ZP3: variants seen among roughly 807,000 people sequenced by gnomAD.
ZP3 encodes the protein zona pellucida sperm-binding protein 3.
In ZP3, 21 loss-of-function variants were observed where a neutral mutation model predicts 35.6. That is an observed-to-expected ratio of 0.59 (90% CI 0.42 to 0.85). ZP3 has a LOEUF of 0.85. Among genes scored for constraint, ZP3 ranks in the 40% least tolerant of loss-of-function variants. The probability of loss-of-function intolerance (pLI) is 0.00; values close to 1 mark genes in which losing one functional copy is unlikely to be tolerated. For synonymous variants in ZP3, 207 were observed against 214.5 expected, an observed-to-expected ratio of 0.96 and a Z score of 0.31; for missense variants, 437 against 536.5, an observed-to-expected ratio of 0.81 and a Z score of 1.83.
chr7:76,433,943 C>G, intron 4 of ZP3, 95 bp from the exon 5 acceptor site: 1 of 657,114 alleles, frequency 1.5e-6, no homozygotes, highest in Non-Finnish European at 2.7e-6. Context: ...AAGTGATCCA[C>G]CCACCTTGGC....
chr7:76,440,027 A>G (rs1393683695), intron 5 of ZP3: 2 of 536,954 alleles, frequency 3.7e-6, no homozygotes, highest in African/African-American at 3.8e-5. Flanking sequence ...TTGTATTTTT[A>G]GTAGCGATGG....
chr7:76,400,552 C>G (rs746892123), intron 1 of ZP3: 1 of 1,517,598 alleles, frequency 6.6e-7, no homozygotes, highest in South Asian at 1.2e-5. Context: ...GACTTCCAGG[C>G]GGCCCCGGCA....
chr7:76,418,281 G>T (rs1174194729), intron 1 of ZP3, among the ~76,000 whole-genome samples: 1 of 151,900 alleles, frequency 6.6e-6, no homozygotes, highest in East Asian at 1.9e-4. Context: ...AGTCCATAAA[G>T]TCCTTAAGAT....
chr7:76,412,187 C>CAAAA (rs200042424), intron 1 of ZP3, among the ~76,000 whole-genome samples: 936 of 79,562 alleles, frequency 0.012, 16 homozygotes, highest in African/African-American at 0.033. Flanking sequence ...GACTCTGTCT[C>CAAAA]AAAAAAAAAA....
At chr7:76,437,077 G>T (rs1436475715) in intron 5 of ZP3, among the ~76,000 whole-genome samples, 1 of 151,966 alleles carries the variant, frequency 6.6e-6, no homozygotes, top group Non-Finnish European at 1.5e-5. Context: ...CCAGCACCTT[G>T]GGAGGCCGAG....
intron 5 of ZP3, among the ~76,000 whole-genome samples, chr7:76,436,407 T>C (rs1345687657): frequency 6.6e-6 from 1 of 152,154 alleles, no homozygotes; most frequent in African/African-American, 2.4e-5. Context: ...TGGAAATGCA[T>C]CAAAAGCCAC....
At chr7:76,417,286 C>T (rs11771727) in intron 1 of ZP3, among the ~76,000 whole-genome samples, 23,770 of 151,918 alleles carry the variant, frequency 0.16, 2,119 homozygotes, top group Non-Finnish European at 0.22. Context: ...CTTGAACTCC[C>T]AACCTCAGGC....
At chr7:76,399,709 G>A (rs761220485) in intron 1 of ZP3, among the ~76,000 whole-genome samples, 18 of 151,986 alleles carry the variant, frequency 1.2e-4, no homozygotes, top group South Asian at 4.2e-4. Flanking sequence ...CTGATTTTTC[G>A]TAGAGATAAG....
exon 1 of ZP3, chr7:76,397,559 T>C: frequency 6.2e-7 from 1 of 1,603,836 alleles, no homozygotes; most frequent in Non-Finnish European, 8.5e-7. Context: ...GCCGCAGTTG[T>C]GCACACCCCA....
At chr7:76,404,506 C>G (rs886114438) in intron 1 of ZP3, 2 of 1,611,352 alleles carry the variant, frequency 1.2e-6, no homozygotes, top group Admixed American at 3.3e-5. Context: ...GTTGGAACAT[C>G]TGAAATTAAA....
upstream of ZP3, among the ~76,000 whole-genome samples, chr7:76,423,176 A>AGGGAGAGAGAGGGAAAGAGAGAGG (rs1805567488): frequency 2.0e-5 from 3 of 151,032 alleles, no homozygotes; most frequent in Admixed American, 6.6e-5. Flanking sequence ...TGAGAGAGAG[A>AGGGAGAGAGAGGGAAAGAGAGAGG]GGGAGAGAGA....
chr7:76,403,721 G>A (rs2115797438), intron 1 of ZP3, among the ~76,000 whole-genome samples: 1 of 151,736 alleles, frequency 6.6e-6, no homozygotes, highest in East Asian at 1.9e-4. Context: ...GAGTGCAGTG[G>A]CGTGATCTTG....
chr7:76,416,794 G>GTC (rs35844856), intron 1 of ZP3, among the ~76,000 whole-genome samples: 1,984 of 136,018 alleles, frequency 0.015, 28 homozygotes, highest in Middle Eastern at 0.096. Context: ...GCAGGATGCT[G>GTC]TCTCTCTCTC....
At chr7:76,425,378 C>T in intron 1 of ZP3, 102 bp downstream of exon 1, 4 of 1,293,572 alleles carry the variant, frequency 3.1e-6, no homozygotes, top group Middle Eastern at 2.2e-4. Context: ...TGGGTGGATC[C>T]CTCTCACTTG....
intron 1 of ZP3, among the ~76,000 whole-genome samples, chr7:76,428,397 G>A (rs1295990908): frequency 2.0e-5 from 3 of 152,154 alleles, no homozygotes; most frequent in Non-Finnish European, 4.4e-5. Context: ...ACCTGGAAAG[G>A]TTGTAAAAAT....
At chr7:76,437,769 G>T (rs1446241676) in intron 5 of ZP3, among the ~76,000 whole-genome samples, 6 of 151,664 alleles carry the variant, frequency 4.0e-5, no homozygotes, top group Admixed American at 1.3e-4. Flanking sequence ...AAAGTGCTGG[G>T]ATTACAGGCA....
upstream of ZP3, among the ~76,000 whole-genome samples, chr7:76,421,438 G>C (rs2115868139): frequency 6.6e-6 from 1 of 151,968 alleles, no homozygotes; most frequent in Middle Eastern, 3.4e-3. Context: ...TGATTTTGTA[G>C]AGATGGGGCC....
chr7:76,399,254 A>G (rs185504328), intron 1 of ZP3, among the ~76,000 whole-genome samples: 3 of 151,988 alleles, frequency 2.0e-5, no homozygotes, highest in African/African-American at 7.2e-5. Context: ...CTCAGGTGAT[A>G]CACCTGCCTC....
intron 1 of ZP3, among the ~76,000 whole-genome samples, chr7:76,416,125 C>T (rs574526595): frequency 2.1e-4 from 31 of 149,844 alleles, no homozygotes; most frequent in Non-Finnish European, 3.6e-4. Context: ...AGCAAAACTC[C>T]GTCTCAAAAA....
Sources: allele counts gnomAD v4.1 joint callset (sites outside exome capture counted in the v4.1 genomes callset), GRCh38; gene constraint gnomAD v4.1.1; transcripts MANE v1.5; gene names NCBI Gene and HGNC (gene_info 2026-07-23, HGNC 2026-07-21).